The following SAMD12 variants were observed in gnomAD, a reference collection of about 807,000 sequenced individuals.
SAMD12 encodes sterile alpha motif domain containing 12.
Under a neutral mutation model 15.0 loss-of-function variants are expected in SAMD12, and 9 were observed. That is an observed-to-expected ratio of 0.60 (90% confidence interval 0.36 to 1.05). SAMD12 has a LOEUF of 1.05. SAMD12 is among the 50% of genes least tolerant of loss of function. SAMD12 has a pLI of 0.01. For synonymous variants in SAMD12, 86 were observed against 90.1 expected (o/e 0.96, Z 0.25); for missense variants, 230 against 234.2 (o/e 0.98, Z 0.12).
rs28370865 is a variant in SAMD12, at chr8:118,297,375, G to A, written c.433+82185C>T. Among the ~76,000 whole-genome samples, 519 of 152,230 alleles carry A rather than the reference G, an allele frequency of 3.4e-3. 3 individuals carry two copies. Among genetic ancestry groups the A allele is most frequent in the African/African-American group, 0.012 (494 of 41,516 alleles). On this transcript the variant is annotated intron_variant, in intron 4 of 4. Transcript: ENST00000409003. Reference sequence around the variant, plus strand: ...TCCAAAAGAATGTCACTAAAGCCCTGATGGTCACTCAAAAAGAAGAGTTAC... The same window carrying A: ...TCCAAAAGAATGTCACTAAAGCCCTAATGGTCACTCAAAAAGAAGAGTTAC...
intron 2 of SAMD12, among the ~76,000 whole-genome samples, chr8:118,477,309 G>T (rs188617287): frequency 6.0e-4 from 91 of 151,974 alleles, no homozygotes; most frequent in African/African-American, 2.2e-3. Flanking sequence ...CAAGTGATCC[G>T]CCCACTTCAC....
chr8:118,380,359 G>C (rs1270891099), intron 3 of SAMD12, among the ~76,000 whole-genome samples: 2 of 152,094 alleles, frequency 1.3e-5, no homozygotes, highest in African/African-American at 4.8e-5. Context: ...GGAGAAGAGT[G>C]GGGTAAAAGG....
intron 4 of SAMD12, chr8:118,295,716 C>T (rs1814671961): frequency 6.7e-6 from 1 of 148,366 alleles, no homozygotes; most frequent in African/African-American, 2.5e-5. Flanking sequence ...GTGGTGCAAT[C>T]GTGGCTTACT....
chr8:118,278,703 G>GTTAGAGT (rs1554620987), intron 4 of SAMD12, among the ~76,000 whole-genome samples: 2 of 152,192 alleles, frequency 1.3e-5, no homozygotes, highest in African/African-American at 4.8e-5. Context: ...ATGAGAAGGG[G>GTTAGAGT]TTAGAGTTTG....
rs1343696191 is a variant in SAMD12 at position 118,440,333 on chromosome 8, A to G, written c.193-372T>C. Among the ~76,000 whole-genome samples the G allele has an allele frequency of 2.0e-5, 3 of 152,198 alleles. No homozygotes were observed. In the East Asian group the frequency reaches 5.8e-4, roughly 29 times the overall value. ...TTCTCTGTATTCCAAGAAAGTATTT[A>G]TCTCTCGCTGTCCCTGACATTTCTA... On this transcript the variant is annotated intron_variant, in intron 2 of 3. Coordinates refer to ENST00000314727, the MANE Select transcript of SAMD12 (RefSeq NM_207506.3).
chr8:118,469,558 T>C lies in SAMD12; in HGVS notation c.193-29597A>G. 2.7e-5 allele frequency among the ~76,000 whole-genome samples: 2 copies of C among 75,332 alleles called. 1 individual carries two copies. The highest frequency in any genetic ancestry group is 5.0e-5 in the Non-Finnish European group (2 of 39,978). The allele number at this position is 75,332 out of a possible 152,430, so 49.4% of individuals were successfully genotyped here. ...ATATATATTATATTATTATATATAA[T>C]ATATTATATATGTATTTTTTTTGAG... is the stretch of plus-strand genomic sequence containing the variant. On this transcript the variant is annotated intron_variant, in intron 2 of 3. Coordinates refer to ENST00000314727, the MANE Select transcript of SAMD12 (RefSeq NM_207506.3).
At chr8:118,145,861 G>T in the SAMD12 span, among the ~76,000 whole-genome samples, 1 of 152,180 alleles carries the variant, frequency 6.6e-6, no homozygotes, top group African/African-American at 2.4e-5. Flanking sequence ...GTCTGGGGCT[G>T]CCCAAAAAGA....
chr8:118,501,946 G>T (rs531591841), intron 2 of SAMD12, among the ~76,000 whole-genome samples: 23 of 152,040 alleles, frequency 1.5e-4, no homozygotes, highest in African/African-American at 4.6e-4. Context: ...GAACCCGTTG[G>T]GGGGCGGAGC....
At chr8:118,532,195 CAT>C (rs1275667411) in intron 2 of SAMD12, among the ~76,000 whole-genome samples, 1 of 152,128 alleles carries the variant, frequency 6.6e-6, no homozygotes, top group Non-Finnish European at 1.5e-5. Context: ...TTGAAATAAT[CAT>C]GTGGTTTTTG....
intron 1 of SAMD12, among the ~76,000 whole-genome samples, chr8:118,605,814 A>G (rs1827972549): frequency 9.5e-6 from 1 of 105,352 alleles, no homozygotes; most frequent in African/African-American, 4.9e-5. Flanking sequence ...ATATATATAT[A>G]TATATATATA....
intron 4 of SAMD12, among the ~76,000 whole-genome samples, chr8:118,306,709 G>A (rs1815367559): frequency 6.6e-6 from 1 of 152,172 alleles, no homozygotes; most frequent in Non-Finnish European, 1.5e-5. Flanking sequence ...GCTATTTTGA[G>A]TCTGTGCTTA....
At chr8:118,209,009 C>T (rs996939561) in intron 4 of SAMD12, among the ~76,000 whole-genome samples, 5 of 152,156 alleles carry the variant, frequency 3.3e-5, no homozygotes, top group East Asian at 1.9e-4. Context: ...TTCTGAAGTG[C>T]GGATGATTAT....
At chr8:118,247,269 G>A (rs112576705) in intron 4 of SAMD12, among the ~76,000 whole-genome samples, 125 of 152,156 alleles carry the variant, frequency 8.2e-4, no homozygotes, top group African/African-American at 2.9e-3. Flanking sequence ...GGAGGGGCAC[G>A]GATAGGGAAA....
In SAMD12 at chr8:118,522,827, A is replaced by G. The variant is rs574413200; in HGVS notation, c.192+57888T>C. Among the ~76,000 whole-genome samples, 8 of 152,318 alleles carry G rather than the reference A, an allele frequency of 5.3e-5. No homozygotes were observed. In the South Asian group the frequency reaches 1.7e-3, roughly 32 times the overall value. On this transcript the variant is annotated intron_variant, in intron 2 of 3. Coordinates refer to ENST00000314727, the MANE Select transcript of SAMD12 (RefSeq NM_207506.3). ...CATCTTGTTGCTCCTTGGGGCATAA[A>G]CAAATAGCCATAAGAAGGTTATCCC...
At chr8:118,220,544 A>C (rs888595655) in intron 4 of SAMD12, among the ~76,000 whole-genome samples, 1 of 152,150 alleles carries the variant, frequency 6.6e-6, no homozygotes, top group Admixed American at 6.5e-5. Context: ...TTTTTCTTCT[A>C]TCATTCCTAT....
intron 2 of SAMD12, among the ~76,000 whole-genome samples, chr8:118,478,012 T>TTA (rs1824011503): frequency 2.2e-5 from 1 of 46,072 alleles, no homozygotes. Context: ...AGACCCTGTC[T>TTA]CAAAAAAAAA....
chr8:118,459,740 G>T (rs1054711265), intron 2 of SAMD12, among the ~76,000 whole-genome samples: 6 of 152,132 alleles, frequency 3.9e-5, no homozygotes, highest in African/African-American at 1.4e-4. Flanking sequence ...GAAGACAAAT[G>T]GTTAGGTACC....
chr8:118,263,415 G>GA (rs1813128476), intron 4 of SAMD12, among the ~76,000 whole-genome samples: 1 of 151,962 alleles, frequency 6.6e-6, no homozygotes, highest in Non-Finnish European at 1.5e-5. Flanking sequence ...TTAAGTATTG[G>GA]ATATTGGGAA....
intron 2 of SAMD12, among the ~76,000 whole-genome samples, chr8:118,565,222 C>T (rs1826813064): frequency 6.6e-6 from 1 of 152,166 alleles, no homozygotes; most frequent in Non-Finnish European, 1.5e-5. Flanking sequence ...TTCCAACTGC[C>T]TACGAAATGC....
Sources: gnomAD v4.1 joint callset for allele counts (sites outside exome capture counted in the v4.1 genomes callset) on GRCh38, gnomAD v4.1.1 for gene constraint, MANE v1.5 for transcripts, NCBI Gene and HGNC (gene_info 2026-07-23, HGNC 2026-07-21) for gene names.